Variants in HS3ST5 observed in about 807,000 individuals in gnomAD.
HS3ST5 encodes heparan sulfate-glucosamine 3-sulfotransferase 5, also known as heparan sulfate glucosamine 3-O-sulfotransferase 5.
HS3ST5 carries 10 observed loss-of-function variants against 25.4 expected under a neutral mutation model. That is an observed-to-expected ratio of 0.39 (90% CI 0.24 to 0.67). The LOEUF is 0.67. HS3ST5 is among the 30% of genes least tolerant of loss of function. The pLI, the probability that HS3ST5 is intolerant of heterozygous loss-of-function variation, is 0.44. For synonymous variants in HS3ST5, 170 were observed against 162.4 expected, an observed-to-expected ratio of 1.05 and a Z score of -0.36; for missense variants, 324 against 420.7, an observed-to-expected ratio of 0.77 and a Z score of 2.01.
intron 1 of HS3ST5, among the ~76,000 whole-genome samples, chr6:114,338,077 T>C (rs539804768): frequency 6.6e-6 from 1 of 152,200 alleles, no homozygotes; most frequent in South Asian, 2.1e-4. Flanking sequence ...TTATTGCAAG[T>C]GTTTCTTAAA....
intron 3 of HS3ST5, chr6:114,084,802 C>T (rs1020858128): frequency 2.5e-5 from 18 of 705,886 alleles, no homozygotes; most frequent in Non-Finnish European, 3.8e-5. Flanking sequence ...TATTTTCAAA[C>T]TCTTAGAAAA....
chr6:114,190,951 AT>A (rs1291614509), intron 2 of HS3ST5, among the ~76,000 whole-genome samples: 1 of 152,146 alleles, frequency 6.6e-6, no homozygotes, highest in Non-Finnish European at 1.5e-5. Context: ...ATTTGAATAG[AT>A]TATTGGGGGG....
chr6:114,202,768 A>G (rs1781087768), intron 2 of HS3ST5, among the ~76,000 whole-genome samples: 1 of 152,210 alleles, frequency 6.6e-6, no homozygotes, highest in African/African-American at 2.4e-5. Context: ...TAAATAATTT[A>G]GAAGAAAAGA....
intron 3 of HS3ST5, chr6:114,084,669 T>A: frequency 8.4e-7 from 1 of 1,196,598 alleles, no homozygotes; most frequent in Non-Finnish European, 1.2e-6. Flanking sequence ...TGGTCAGCCC[T>A]GGGGTCAGTA....
intron 1 of HS3ST5, among the ~76,000 whole-genome samples, chr6:114,282,664 G>T (rs939073531): frequency 6.6e-6 from 1 of 151,880 alleles, no homozygotes; most frequent in South Asian, 2.1e-4. Context: ...GGTGCACTTG[G>T]AACTGTTCTT....
intron 2 of HS3ST5, among the ~76,000 whole-genome samples, chr6:114,182,653 G>A (rs1234678319): frequency 1.3e-5 from 2 of 152,074 alleles, no homozygotes; most frequent in East Asian, 3.9e-4. Context: ...GACAGTAAAG[G>A]TTATCCCAGG....
At chr6:114,204,090 A>T (rs547761630) in intron 2 of HS3ST5, among the ~76,000 whole-genome samples, 1 of 152,346 alleles carries the variant, frequency 6.6e-6, no homozygotes, top group Non-Finnish European at 1.5e-5. Flanking sequence ...ATTACTAGGG[A>T]GAATGAATGC....
chr6:114,318,559 T>C (rs1562274438), intron 1 of HS3ST5, among the ~76,000 whole-genome samples: 1 of 152,190 alleles, frequency 6.6e-6, no homozygotes, highest in African/African-American at 2.4e-5. Context: ...CCTATTTCTA[T>C]GTACAAATCT....
intron 1 of HS3ST5, chr6:114,282,014 C>T (rs1193944554): frequency 3.3e-5 from 5 of 151,938 alleles, no homozygotes; most frequent in African/African-American, 1.2e-4. Context: ...TTGAGGTAGG[C>T]GTTTCAATTT....
intron 3 of HS3ST5, among the ~76,000 whole-genome samples, chr6:114,153,506 G>A (rs1013746474): frequency 3.9e-5 from 6 of 152,012 alleles, no homozygotes; most frequent in Admixed American, 6.6e-5. Context: ...GCTCATCTTC[G>A]TATTCATTTT....
chr6:114,187,106 G>A (rs1202980037), intron 2 of HS3ST5, among the ~76,000 whole-genome samples: 1 of 152,180 alleles, frequency 6.6e-6, no homozygotes, highest in Non-Finnish European at 1.5e-5. Flanking sequence ...TTCTGATGGT[G>A]ATATACAAGG....
intron 1 of HS3ST5, chr6:114,230,494 T>C (rs1481255057): frequency 1.3e-5 from 2 of 152,168 alleles, no homozygotes; most frequent in African/African-American, 2.4e-5. Context: ...AGTTCAGGCT[T>C]TCACCATCTT....
chr6:114,138,192 A>G (rs555338258), intron 3 of HS3ST5, among the ~76,000 whole-genome samples: 2 of 152,196 alleles, frequency 1.3e-5, no homozygotes, highest in Admixed American at 6.6e-5. Flanking sequence ...GTACTTATTG[A>G]ACATCTATAT....
intron 3 of HS3ST5, among the ~76,000 whole-genome samples, chr6:114,097,185 T>C (rs1162700918): frequency 6.6e-6 from 1 of 151,980 alleles, no homozygotes; most frequent in African/African-American, 2.4e-5. Context: ...TCTATACATA[T>C]ATATAATTGG....
At chr6:114,093,798 G>A (rs1398696115) in intron 3 of HS3ST5, among the ~76,000 whole-genome samples, 2 of 152,126 alleles carry the variant, frequency 1.3e-5, no homozygotes, top group Admixed American at 6.5e-5. Context: ...TTATTTGGAA[G>A]AGAAAATATG....
intron 1 of HS3ST5, among the ~76,000 whole-genome samples, chr6:114,329,383 A>G (rs1776299617): frequency 1.3e-5 from 2 of 152,328 alleles, no homozygotes; most frequent in South Asian, 2.1e-4. Context: ...ACTCTGTAAT[A>G]GCCTACATCT....
intron 3 of HS3ST5, among the ~76,000 whole-genome samples, chr6:114,110,567 C>G (rs1776219294): frequency 1.3e-5 from 2 of 152,126 alleles, no homozygotes; most frequent in Non-Finnish European, 2.9e-5. Context: ...GTACTAAACC[C>G]AAGGCCAAAA....
intron 2 of HS3ST5, among the ~76,000 whole-genome samples, chr6:114,194,738 T>C (rs1208860666): frequency 6.6e-6 from 1 of 152,180 alleles, no homozygotes; most frequent in Non-Finnish European, 1.5e-5. Context: ...ATGGGTCCCA[T>C]GGAGAGGCAT....
chr6:114,221,967 T>C (rs1455194932), intron 2 of HS3ST5, among the ~76,000 whole-genome samples: 1 of 148,150 alleles, frequency 6.7e-6, no homozygotes, highest in East Asian at 2.0e-4. Context: ...TGGGGAGAGC[T>C]TGTAAGTATC....
Sources: allele counts gnomAD v4.1 joint callset (sites outside exome capture counted in the v4.1 genomes callset), GRCh38; gene constraint gnomAD v4.1.1; transcripts MANE v1.5; gene names NCBI Gene and HGNC (gene_info 2026-07-23, HGNC 2026-07-21).